SLC25A32: variants seen among roughly 807,000 people sequenced by gnomAD.
The protein encoded by SLC25A32 is Glycine auxotroph B, complementation of hamster.
Under a neutral mutation model 39.0 loss-of-function variants are expected in SLC25A32, and 32 were observed. The observed-to-expected ratio is 0.82, with a 90% CI of 0.62 to 1.10. SLC25A32 has a LOEUF of 1.10. Ranked by LOEUF, SLC25A32 falls within the 50% of genes least tolerant of loss-of-function variation. The probability of loss-of-function intolerance (pLI) is 0.00; values close to 1 mark genes in which losing one functional copy is unlikely to be tolerated. For synonymous variants in SLC25A32, 166 were observed against 152.4 expected (o/e 1.09, Z -0.66); for missense variants, 367 against 395.3 (o/e 0.93, Z 0.61).
At chr8:103,409,466 T>C (rs1042373559) in intron 1 of SLC25A32, among the ~76,000 whole-genome samples, 1 of 152,116 alleles carries the variant, frequency 6.6e-6, no homozygotes, top group African/African-American at 2.4e-5. Context: ...TTATAAAAAG[T>C]CCTCTAAACA....
intron 1 of SLC25A32, among the ~76,000 whole-genome samples, chr8:103,411,962 C>T (rs3134290): frequency 0.46 from 69,624 of 152,074 alleles, 16,015 homozygotes; most frequent in African/African-American, 0.49. Context: ...GCATATGTTA[C>T]GGAAACAGAC....
rs911334756 is a variant in SLC25A32 at position 103,402,116 on chromosome 8, T to C, written c.553-62A>G. On this transcript the variant is annotated intron_variant, in intron 4 of 6. Transcript: ENST00000297578. ...ACGTTTGAAGAACAATATATTTAAG[T>C]AAAATACTTTCTCTTCTCTCTCATT... 1.6e-5 allele frequency: 17 copies of C among 1,063,224 alleles called. No individual in the cohort carries two copies. The Admixed American group carries it at 3.7e-4, about 23-fold the overall frequency. The allele number at this position is 1,063,224 out of a possible 1,614,324, so 65.9% of individuals were successfully genotyped here. A position where few individuals can be genotyped will look rare whatever the true frequency, so the allele number is the denominator to read the frequency against.
chr8:103,404,735 G>A, intron 3 of SLC25A32, 41 bp downstream of exon 3: 1 of 1,454,564 alleles, frequency 6.9e-7, no homozygotes, highest in Non-Finnish European at 9.6e-7. Flanking sequence ...TGAAAATTAA[G>A]TTTGGAAGGT....
intron 1 of SLC25A32, among the ~76,000 whole-genome samples, chr8:103,409,348 C>G (rs140081168): frequency 8.4e-4 from 128 of 152,222 alleles, no homozygotes; most frequent in African/African-American, 2.6e-3. Context: ...CAGATTCCCC[C>G]AAATAAGATT....
intron 1 of SLC25A32, among the ~76,000 whole-genome samples, chr8:103,411,141 A>C (rs1255136729): frequency 6.6e-6 from 1 of 152,190 alleles, no homozygotes; most frequent in Admixed American, 6.5e-5. Flanking sequence ...GTGTTTCAGT[A>C]ATGTTTGTGT....
At chr8:103,414,597 G>T in intron 1 of SLC25A32, 187 bp downstream of exon 1, 1 of 734,846 alleles carries the variant, frequency 1.4e-6, no homozygotes, top group Non-Finnish European at 2.2e-6. Context: ...TAGTCTTGAG[G>T]AGCGGGGAAG....
chr8:103,414,303 C>T (rs28630640), intron 1 of SLC25A32, among the ~76,000 whole-genome samples: 10,721 of 152,232 alleles, frequency 0.07, 487 homozygotes, highest in Non-Finnish European at 0.1. Context: ...TTGTACCATT[C>T]TACAAATGCC....
At chr8:103,404,124 C>T (rs182950452) in intron 3 of SLC25A32, among the ~76,000 whole-genome samples, 4 of 151,966 alleles carry the variant, frequency 2.6e-5, no homozygotes, top group Non-Finnish European at 5.9e-5. Context: ...ATAAGTGAGG[C>T]GATTAAACAA....
At position 103,398,843 on chromosome 8, in the gene SLC25A32, C is replaced by T. The variant is rs896496375; in HGVS notation, c.*1568G>A. On this transcript the variant is annotated 3_prime_UTR_variant, in exon 7 of 7. Transcript: ENST00000297578. ...ATTTAACTTATAAAGCATTCATCTG[C>T]ATGTTATAAGATATTACAGTAAATA... 1.5e-4 allele frequency: 21 copies of T among 143,146 alleles called. No homozygotes were observed. The highest frequency in any genetic ancestry group is 7.5e-3 in the Middle Eastern group (2 of 266). The allele number at this position is 143,146 out of a possible 1,614,324, so 8.9% of individuals were successfully genotyped here.
In SLC25A32 at chr8:103,407,673, A is replaced by G; in HGVS notation, c.266T>C (p.Ile89Thr). 2 of 1,606,276 alleles carry G rather than the reference A, an allele frequency of 1.2e-6. No individual in the cohort carries two copies. Among genetic ancestry groups the G allele is most frequent in the Non-Finnish European group, 1.7e-6 (2 of 1,175,454 alleles). Residue 89 changes from isoleucine to threonine, a missense_variant, in exon 2 of 7, where the codon ATA becomes ACA. By Grantham distance (89) the Ile-to-Thr change is moderately conservative. Coordinates refer to ENST00000297578, the MANE Select transcript of SLC25A32 (RefSeq NM_030780.5). ...RGLYQGVTPN[I>T]WGAGLSWGLY... ...TCCCCAGGATAAACCTGCACCCCATATATTTGGGGTTACTCCTTGATAAAG... is the reference window on the plus strand; with the variant it reads ...TCCCCAGGATAAACCTGCACCCCATGTATTTGGGGTTACTCCTTGATAAAG...
chr8:103,406,174 A>C (rs1816329388), intron 2 of SLC25A32, among the ~76,000 whole-genome samples: 1 of 151,842 alleles, frequency 6.6e-6, no homozygotes, highest in African/African-American at 2.4e-5. Flanking sequence ...GTGTGTATAT[A>C]GTTTCACACA....
intron 1 of SLC25A32, among the ~76,000 whole-genome samples, chr8:103,413,236 G>A (rs1481488573): frequency 6.6e-6 from 1 of 152,178 alleles, no homozygotes; most frequent in South Asian, 2.1e-4. Context: ...ATTCTTCAAT[G>A]ATCACCTCGA....
Position 103,400,346 on chromosome 8 carries a change from T to C in SLC25A32, c.*65A>G. On this transcript the variant is annotated 3_prime_UTR_variant, in exon 7 of 7. Coordinates refer to ENST00000297578, the MANE Select transcript of SLC25A32 (RefSeq NM_030780.5). ...GTTTCTATGCAGAATTCTTCTTTTA[T>C]GCCTTAAACACAAAAGAGCTTGTTG... The C allele has an allele frequency of 1.3e-6, 2 of 1,570,018 alleles. No homozygotes were observed. The highest frequency in any genetic ancestry group is 1.7e-6 in the Non-Finnish European group (2 of 1,149,694).
chr8:103,409,013 C>G (rs1347532648), intron 1 of SLC25A32, among the ~76,000 whole-genome samples: 1 of 152,142 alleles, frequency 6.6e-6, no homozygotes, highest in African/African-American at 2.4e-5. Flanking sequence ...TTTCATCTCT[C>G]TGTAGGAAAC....
chr8:103,410,672 G>T (rs920593925), intron 1 of SLC25A32, among the ~76,000 whole-genome samples: 77 of 151,990 alleles, frequency 5.1e-4, no homozygotes, highest in African/African-American at 1.5e-3. Context: ...AAAAACATTT[G>T]CCACTAATGA....
Position 103,404,918 on chromosome 8 carries a change from A to G in SLC25A32, c.306-57T>C, listed in dbSNP as rs375119675. On this transcript the variant is annotated intron_variant, in intron 2 of 6. Coordinates refer to ENST00000297578, the MANE Select transcript of SLC25A32 (RefSeq NM_030780.5). ...GAATAGGTGTCATTAAGTCTGTTTT[A>G]AAGTGTATGTAAGTCAACAGCAGTA... The G allele has an allele frequency of 2.6e-4, 334 of 1,263,176 alleles. 1 individual carries two copies. The highest frequency in any genetic ancestry group is 4.1e-4 in the Admixed American group (23 of 56,514). The allele number at this position is 1,263,176 out of a possible 1,614,324, so 78.2% of individuals were successfully genotyped here.
At chr8:103,412,094 T>C in intron 1 of SLC25A32, among the ~76,000 whole-genome samples, 1 of 152,192 alleles carries the variant, frequency 6.6e-6, no homozygotes, top group East Asian at 1.9e-4. Flanking sequence ...CTCTAAAAAT[T>C]ATAAAGGATT....
intron 1 of SLC25A32, among the ~76,000 whole-genome samples, chr8:103,412,228 C>T (rs1205754747): frequency 6.6e-6 from 1 of 152,226 alleles, no homozygotes; most frequent in East Asian, 1.9e-4. Flanking sequence ...CTTTACTCGG[C>T]ACTACTGTTA....
chr8:103,407,594 T>C (rs889998454), intron 2 of SLC25A32, 40 bp downstream of exon 2: 3 of 1,437,716 alleles, frequency 2.1e-6, no homozygotes, highest in Non-Finnish European at 2.8e-6. Flanking sequence ...CAAAAATTCC[T>C]TTTTAATTTA....
Sources: allele counts gnomAD v4.1 joint callset (sites outside exome capture counted in the v4.1 genomes callset), GRCh38; gene constraint gnomAD v4.1.1; transcripts MANE v1.5; gene names NCBI Gene and HGNC (gene_info 2026-07-23, HGNC 2026-07-21).